CHID1: variants seen among roughly 807,000 people sequenced by gnomAD.
CHID1 encodes chitinase domain containing 1.
A neutral mutation model predicts 55.4 loss-of-function variants in CHID1; 44 were observed. The observed-to-expected ratio is 0.79, with a 90% CI of 0.62 to 1.02. The LOEUF is 1.02. Ranked by LOEUF, CHID1 falls within the 50% of genes least tolerant of loss-of-function variation. The pLI, the probability that CHID1 is intolerant of heterozygous loss-of-function variation, is 0.00. For synonymous variants in CHID1, 216 were observed against 212.9 expected, an observed-to-expected ratio of 1.01 and a Z score of -0.13; for missense variants, 491 against 515.3, an observed-to-expected ratio of 0.95 and a Z score of 0.46.
rs995772921 is a variant in CHID1, at chr11:875,364, C to T, written c.960-4865G>A. On this transcript the variant is annotated intron_variant, in intron 10 of 12. Coordinates refer to ENST00000323578, the MANE Select transcript of CHID1 (RefSeq NM_023947.4). This position sits in a 1 kb window ranked among gnomAD's most constrained non-coding sequence, Gnocchi z 4.7. ...GGAGGCCCTGAGGTTCACCGTCTCC[C>T]GCTCGGGGAGGCGGGCGTGGCTGGG... Among the ~76,000 whole-genome samples the T allele has an allele frequency of 3.9e-5, 6 of 152,336 alleles. No homozygotes were observed. In the South Asian group the frequency reaches 6.2e-4, roughly 16 times the overall value.
At chr11:904,978 G>T in intron 1 of CHID1, 119 bp from the exon 2 acceptor site, 1 of 1,126,622 alleles carries the variant, frequency 8.9e-7, no homozygotes, top group South Asian at 1.5e-5. Context: ...GCACTGGATG[G>T]ACCCTTGGCC....
intron 10 of CHID1, 59 bp downstream of exon 10, chr11:883,089 C>T (rs1850118250): frequency 6.4e-7 from 1 of 1,555,230 alleles, no homozygotes; most frequent in Non-Finnish European, 8.8e-7. Context: ...TCTCCTTACA[C>T]CCACACCCAC....
intron 10 of CHID1, among the ~76,000 whole-genome samples, chr11:879,478 G>T (rs7482890): frequency 5.8e-5 from 2 of 34,736 alleles, no homozygotes; most frequent in Non-Finnish European, 1.1e-4. Flanking sequence ...AGGCGCACAT[G>T]GGACCTTGTG....
At chr11:873,351 G>A (rs1423426948) in intron 10 of CHID1, among the ~76,000 whole-genome samples, 3 of 152,138 alleles carry the variant, frequency 2.0e-5, no homozygotes, top group Admixed American at 6.5e-5. Flanking sequence ...CCCCCTTGAG[G>A]GCTTGTAAGA....
rs559813680 is a variant in CHID1 at position 872,032 on chromosome 11, T to G, written c.960-1533A>C. Among the ~76,000 whole-genome samples the G allele has an allele frequency of 4.6e-5, 7 of 152,272 alleles. No homozygotes were observed. The South Asian group carries it at 1.5e-3, about 32-fold the overall frequency. ...GTGCTCGACAAAGTGCCAGACCCCA[T>G]CGGGTAGCTCTGGCCTTTTGGGGCA... On this transcript the variant is annotated intron_variant, in intron 10 of 12. Coordinates refer to ENST00000323578, the MANE Select transcript of CHID1 (RefSeq NM_023947.4).
At chr11:892,074 C>A (rs751605781) in intron 8 of CHID1, among the ~76,000 whole-genome samples, 1 of 151,994 alleles carries the variant, frequency 6.6e-6, no homozygotes, top group Non-Finnish European at 1.5e-5. Context: ...AAGATTGCAC[C>A]ACTGCACTCC....
intron 10 of CHID1, among the ~76,000 whole-genome samples, chr11:873,361 A>G (rs553135778): frequency 3.3e-5 from 5 of 151,998 alleles, no homozygotes; most frequent in Admixed American, 2.0e-4. Context: ...GGCTTGTAAG[A>G]CCCCAAGGAG....
chr11:870,556 C>T (rs1288763927), intron 10 of CHID1, 57 bp from the exon 11 acceptor site: 3 of 1,271,388 alleles, frequency 2.4e-6, no homozygotes, highest in Non-Finnish European at 2.2e-6. Flanking sequence ...CAGCCCCACC[C>T]TGTACCCCCA....
intron 11 of CHID1, 80 bp downstream of exon 11, chr11:870,339 C>T: frequency 7.3e-7 from 1 of 1,378,184 alleles, no homozygotes; most frequent in Non-Finnish European, 1.0e-6. Context: ...CCCCTGGGCC[C>T]TGCTGCTCCC....
chr11:880,553 G>A (rs771902700), intron 10 of CHID1, among the ~76,000 whole-genome samples: 4 of 152,220 alleles, frequency 2.6e-5, no homozygotes, highest in African/African-American at 7.2e-5. Flanking sequence ...AGGGGCTCAC[G>A]GAGGGCACCC....
intron 1 of CHID1, chr11:908,765 C>T: frequency 4.8e-6 from 1 of 207,388 alleles, no homozygotes; most frequent in Non-Finnish European, 8.4e-6. Context: ...AGGGCTGGGT[C>T]TCTGCCCCTA....
chr11:883,110 T>A, intron 10 of CHID1, 38 bp downstream of exon 10: 5 of 1,591,910 alleles, frequency 3.1e-6, no homozygotes, highest in Non-Finnish European at 4.3e-6. Context: ...CCGCGCCCAG[T>A]GACACCTTCA....
At chr11:878,829 G>A (rs1849693309) in intron 10 of CHID1, among the ~76,000 whole-genome samples, 1 of 151,384 alleles carries the variant, frequency 6.6e-6, no homozygotes, top group African/African-American at 2.4e-5. Flanking sequence ...AGCCTCCCGA[G>A]TAGCCCGCCA....
intron 3 of CHID1, 78 bp downstream of exon 3, chr11:902,884 A>C (rs1851924883): frequency 1.4e-6 from 2 of 1,382,982 alleles, no homozygotes; most frequent in Non-Finnish European, 2.0e-6. Flanking sequence ...CTGACTGGCC[A>C]GAAGAGGCCA....
intron 8 of CHID1, among the ~76,000 whole-genome samples, chr11:890,169 G>C (rs1282790646): frequency 6.6e-6 from 1 of 152,214 alleles, no homozygotes; most frequent in Non-Finnish European, 1.5e-5. Flanking sequence ...TGGCCCTTTG[G>C]GGCCTGACCT....
chr11:897,912 G>A (rs1031311804), intron 7 of CHID1, among the ~76,000 whole-genome samples: 2 of 152,210 alleles, frequency 1.3e-5, no homozygotes, highest in East Asian at 1.9e-4. Flanking sequence ...CTGGCGGAGG[G>A]TGTGGGGGTC....
upstream of CHID1, chr11:911,159 C>G (rs1242917987): frequency 1.3e-5 from 2 of 152,020 alleles, no homozygotes; most frequent in Non-Finnish European, 2.9e-5. Context: ...CTGCCCGGCT[C>G]GGCGGTGCCG....
At chr11:896,669 C>T (rs1237795893) in intron 7 of CHID1, among the ~76,000 whole-genome samples, 20 of 137,586 alleles carry the variant, frequency 1.5e-4, no homozygotes, top group Admixed American at 7.0e-5. Context: ...TCTCAGGGCC[C>T]CCAGCCTCCA....
intron 10 of CHID1, among the ~76,000 whole-genome samples, chr11:876,708 G>A (rs1008639807): frequency 1.3e-5 from 2 of 152,230 alleles, no homozygotes; most frequent in African/African-American, 4.8e-5. Context: ...TCTCTCGGCC[G>A]GCTCGGCAGC....
Sources: allele counts gnomAD v4.1 joint callset (sites outside exome capture counted in the v4.1 genomes callset), GRCh38; gene constraint gnomAD v4.1.1; non-coding constraint Gnocchi (gnomAD v3.1); transcripts MANE v1.5; gene names NCBI Gene and HGNC (gene_info 2026-07-23, HGNC 2026-07-21).